Variants in SPATA1 observed in about 807,000 individuals in gnomAD.
The protein encoded by SPATA1 is spermatogenesis-associated protein 1.
Under a neutral mutation model 59.6 loss-of-function variants are expected in SPATA1, and 57 were observed. The observed-to-expected ratio is 0.96, with a 90% CI of 0.77 to 1.19. The LOEUF is 1.19. Among genes scored for constraint, SPATA1 ranks in the 50% most tolerant of loss-of-function variants. SPATA1 has a pLI of 0.00. For synonymous variants in SPATA1, 147 were observed against 163.9 expected (o/e 0.90, Z 0.79); for missense variants, 448 against 480.7 (o/e 0.93, Z 0.64).
chr1:84,557,554 G>GAA (rs1179521999), downstream of SPATA1, among the ~76,000 whole-genome samples: 135 of 70,120 alleles, frequency 1.9e-3, 1 homozygote, highest in African/African-American at 0.012. Flanking sequence ...AAAAAAAAAA[G>GAA]AAAAAAAAAA....
chr1:84,530,069 G>A (rs886296250), intron 6 of SPATA1, among the ~76,000 whole-genome samples: 3 of 151,382 alleles, frequency 2.0e-5, no homozygotes, highest in African/African-American at 7.3e-5. Context: ...TGTTGCCCAG[G>A]CCAGTCTCAA....
chr1:84,550,784 G>A (rs1684247243), intron 12 of SPATA1: 1 of 1,045,038 alleles, frequency 9.6e-7, no homozygotes, highest in Non-Finnish European at 1.2e-6. Flanking sequence ...AAAGGAAAAG[G>A]AACCTGTGAG....
chr1:84,540,316 TAGAA>T lies in SPATA1; in HGVS notation c.718-3882_718-3879del, dbSNP rs1683858661. On this transcript the variant is annotated intron_variant, in intron 8 of 12. Coordinates refer to ENST00000490879, the Ensembl canonical transcript of SPATA1. The stretch of plus-strand genomic sequence containing the variant: ...TTTGGGTTTTTTTCGTCTTGGTATT[TAGAA>T]AGATTTTTATTTTTGTTCTAATATT... Among the ~76,000 whole-genome samples, 4 of 152,286 alleles carry T rather than the reference TAGAA, an allele frequency of 2.6e-5. No homozygotes were observed. The South Asian group carries it at 6.2e-4, about 24-fold the overall frequency.
chr1:84,551,492 T>C (rs748701391), intron 12 of SPATA1: 15 of 164,542 alleles, frequency 9.1e-5, no homozygotes, highest in Non-Finnish European at 1.8e-4. Context: ...CTATTGATAT[T>C]GAGCACTTGA....
intron 8 of SPATA1, among the ~76,000 whole-genome samples, chr1:84,542,165 T>A (rs1406371436): frequency 6.6e-6 from 1 of 152,152 alleles, no homozygotes; most frequent in Non-Finnish European, 1.5e-5. Flanking sequence ...GGTTTCACCA[T>A]GTTGGCCGGG....
At position 84,520,529 on chromosome 1, in the gene SPATA1, G is replaced by C. The variant is rs1322767529; in HGVS notation, c.37-56G>C. On this transcript the variant is annotated intron_variant, in intron 2 of 12. Transcript: ENST00000490879. ...AACTTAATTCTATAGGACATCAATT[G>C]ATTTTTTTTTTCACTTTAAAAATAT... 8.7e-6 allele frequency: 8 copies of C among 920,458 alleles called. No individual in the cohort carries two copies. The East Asian group carries it at 2.3e-4, about 27-fold the overall frequency. 57.0% of individuals were successfully genotyped at this position (920,458 alleles called of 1,614,324 possible). A position where few individuals can be genotyped will look rare whatever the true frequency, so the allele number is the denominator to read the frequency against.
chr1:84,516,934 A>G (rs992545818), intron 2 of SPATA1, among the ~76,000 whole-genome samples: 1 of 152,102 alleles, frequency 6.6e-6, no homozygotes, highest in African/African-American at 2.4e-5. Flanking sequence ...TCTGCCACTC[A>G]TTAATTCAGT....
chr1:84,545,024 C>T (rs1365759622), intron 9 of SPATA1, among the ~76,000 whole-genome samples: 3 of 150,530 alleles, frequency 2.0e-5, no homozygotes, highest in Non-Finnish European at 4.4e-5. Context: ...GCCTGGCCAA[C>T]ATGGTGAAAC....
chr1:84,558,093 G>A (rs914084877), downstream of SPATA1, among the ~76,000 whole-genome samples: 5 of 152,078 alleles, frequency 3.3e-5, no homozygotes, highest in Admixed American at 2.6e-4. Context: ...ACTGTATCCC[G>A]TGGTAACTAT....
At chr1:84,541,870 CT>C (rs1683918119) in intron 8 of SPATA1, among the ~76,000 whole-genome samples, 1 of 152,098 alleles carries the variant, frequency 6.6e-6, no homozygotes. Context: ...GTTTTGGTGG[CT>C]TACTGTGTTT....
chr1:84,519,928 A>G (rs1180374987), intron 2 of SPATA1, among the ~76,000 whole-genome samples: 1 of 152,166 alleles, frequency 6.6e-6, no homozygotes, highest in African/African-American at 2.4e-5. Context: ...TATATTTGCA[A>G]TCATTGTTTC....
At chr1:84,560,097 A>AAAAGAAAG (rs59549626) in intron 4 of SPATA1, among the ~76,000 whole-genome samples, 66 of 114,714 alleles carry the variant, frequency 5.8e-4, no homozygotes, top group African/African-American at 1.6e-3. Context: ...AAAAAAAAAA[A>AAAAGAAAG]AAAGAAAGAA....
intron 4 of SPATA1, chr1:84,563,700 A>G (rs1173987158): frequency 2.4e-6 from 3 of 1,265,080 alleles, no homozygotes; most frequent in South Asian, 1.5e-5. Flanking sequence ...AATATAATAG[A>G]TAATAAAAAT....
chr1:84,555,023 T>A, downstream of SPATA1: 1 of 1,613,986 alleles, frequency 6.2e-7, no homozygotes, highest in Non-Finnish European at 8.5e-7. Flanking sequence ...GCTTTGGCTT[T>A]AAGACTTCCC....
chr1:84,521,466 C>T (rs1244939635), intron 3 of SPATA1, among the ~76,000 whole-genome samples: 1 of 152,180 alleles, frequency 6.6e-6, no homozygotes, highest in Non-Finnish European at 1.5e-5. Context: ...CATAGCCCTA[C>T]CTCAGGACCC....
intron 6 of SPATA1, among the ~76,000 whole-genome samples, chr1:84,529,659 G>GC (rs1683382042): frequency 7.8e-6 from 1 of 128,060 alleles, no homozygotes; most frequent in African/African-American, 3.1e-5. Context: ...TCGGCTCACT[G>GC]CAACCTCCGC....
exon 13 of SPATA1, chr1:84,554,026 C>T (rs1684354372): frequency 1.3e-5 from 2 of 152,130 alleles, no homozygotes; most frequent in African/African-American, 4.8e-5. Context: ...CCTGTAATCC[C>T]AGCTCTTTAG....
chr1:84,528,933 A>G (rs925349417), intron 6 of SPATA1, among the ~76,000 whole-genome samples: 1 of 152,100 alleles, frequency 6.6e-6, no homozygotes, highest in Non-Finnish European at 1.5e-5. Flanking sequence ...CTCCAAATGC[A>G]TTTCCAGTTA....
intron 12 of SPATA1, chr1:84,551,205 CA>C: frequency 1.0e-6 from 1 of 985,168 alleles, no homozygotes; most frequent in Non-Finnish European, 1.2e-6. Context: ...GTACCCACAG[CA>C]AGGCAGGAAA....
Sources: allele counts gnomAD v4.1 joint callset (sites outside exome capture counted in the v4.1 genomes callset), GRCh38; gene constraint gnomAD v4.1.1; transcripts MANE v1.5; gene names NCBI Gene and HGNC (gene_info 2026-07-23, HGNC 2026-07-21).